Variants in RHPN2 observed in about 807,000 individuals in gnomAD.
RHPN2 encodes rhophilin Rho GTPase binding protein 2.
A neutral mutation model predicts 79.0 loss-of-function variants in RHPN2; 40 were observed. The observed-to-expected ratio is 0.51, with a 90% confidence interval of 0.39 to 0.66. The LOEUF is 0.66. RHPN2 is among the 30% of genes least tolerant of loss of function. The pLI is 0.00. For missense variants in RHPN2, 686 were observed against 883.5 expected, an observed-to-expected ratio of 0.78 and a Z score of 2.83; for synonymous variants, 285 against 363.5, an observed-to-expected ratio of 0.78 and a Z score of 2.46.
intron 3 of RHPN2, among the ~76,000 whole-genome samples, chr19:33,025,950 A>G (rs1412112522): frequency 6.7e-6 from 1 of 148,526 alleles, no homozygotes; most frequent in African/African-American, 2.5e-5. Context: ...CATCACGTAT[A>G]TTTACACTAG....
At chr19:33,061,012 A>C (rs1166810934) in intron 1 of RHPN2, among the ~76,000 whole-genome samples, 1 of 152,044 alleles carries the variant, frequency 6.6e-6, no homozygotes, top group East Asian at 1.9e-4. Context: ...TCTTACACAA[A>C]TCTCACAGGT....
chr19:33,053,479 A>G (rs1972206169), intron 1 of RHPN2, among the ~76,000 whole-genome samples: 1 of 146,416 alleles, frequency 6.8e-6, no homozygotes, highest in African/African-American at 2.6e-5. Flanking sequence ...GCTGGAGTGC[A>G]GTGGTGCGAT....
chr19:33,018,835 C>T (rs1568317500), intron 4 of RHPN2, among the ~76,000 whole-genome samples: 1 of 149,866 alleles, frequency 6.7e-6, no homozygotes, highest in Non-Finnish European at 1.5e-5. Flanking sequence ...GAGTTTGAGA[C>T]CAGCCTGGCC....
In RHPN2 at chr19:33,026,598, G is replaced by A. The variant is rs753804504; in HGVS notation, c.220C>T (p.Arg74Trp). The A allele has an allele frequency of 8.1e-6, 13 of 1,608,726 alleles. No homozygotes were observed. Among genetic ancestry groups the A allele is most frequent in the South Asian group, 2.2e-5 (2 of 91,074 alleles). The change falls in exon 3 of 15, where the codon CGG (arginine) becomes TGG (tryptophan). Residue 74 changes from arginine (R) to tryptophan (W), a missense_variant. Transcript: ENST00000254260. ...GAGTTGACGAAGCTCAGCTCCAGCC[G>A]CACTTGCTCCCGCACCTTTGAGTTT... ...ATNSKVREQV[R>W]LELSFVNSDL...
intron 3 of RHPN2, among the ~76,000 whole-genome samples, chr19:33,022,898 A>G (rs1298989776): frequency 2.0e-5 from 3 of 152,106 alleles, no homozygotes; most frequent in Admixed American, 2.0e-4. Context: ...AGGCTCCTCC[A>G]GGCTACTCAG....
At chr19:33,037,522 C>T (rs1160345422) in intron 2 of RHPN2, among the ~76,000 whole-genome samples, 2 of 152,224 alleles carry the variant, frequency 1.3e-5, no homozygotes, top group Non-Finnish European at 2.9e-5. Flanking sequence ...TTTGGGTCCA[C>T]ACTGCCTTTA....
At chr19:33,055,726 T>C (rs1273517153) in intron 1 of RHPN2, among the ~76,000 whole-genome samples, 1 of 111,848 alleles carries the variant, frequency 8.9e-6, no homozygotes, top group Non-Finnish European at 1.6e-5. Flanking sequence ...GCAAGGAGCT[T>C]CTGGGTTAAA....
intron 6 of RHPN2, among the ~76,000 whole-genome samples, chr19:33,011,140 C>T (rs770616849): frequency 6.6e-6 from 1 of 152,114 alleles, no homozygotes; most frequent in Non-Finnish European, 1.5e-5. Context: ...GAGTGAGTAG[C>T]TCATGCCTAT....
chr19:32,991,790 G>C (rs1279777754), intron 13 of RHPN2, 33 bp downstream of exon 13: 4 of 1,613,736 alleles, frequency 2.5e-6, no homozygotes, highest in Non-Finnish European at 3.4e-6. Flanking sequence ...AGATATCTGT[G>C]TTTGCTGCCA....
Position 33,041,470 on chromosome 19 carries a change from G to C in RHPN2, c.185+2779C>G, listed in dbSNP as rs189555866. 4.9e-4 allele frequency among the ~76,000 whole-genome samples: 75 copies of C among 152,216 alleles called. 1 individual carries two copies. The highest frequency in any genetic ancestry group is 1.7e-3 in the African/African-American group (72 of 41,532). On this transcript the variant is annotated intron_variant, in intron 2 of 14. Coordinates refer to ENST00000254260, the MANE Select transcript of RHPN2 (RefSeq NM_033103.5). ...TCCTCTGACAACATTCTCCAGCAAG[G>C]GGTACTTTGAACCTTTAGGCCACTG... is the stretch of plus-strand genomic sequence containing the variant.
intron 7 of RHPN2, among the ~76,000 whole-genome samples, chr19:33,006,857 C>T (rs965441790): frequency 6.6e-6 from 1 of 152,162 alleles, no homozygotes; most frequent in Non-Finnish European, 1.5e-5. Flanking sequence ...GCCTGGCCAA[C>T]ATGGCAAAAC....
intron 6 of RHPN2, among the ~76,000 whole-genome samples, chr19:33,010,774 C>T (rs1383229052): frequency 1.3e-5 from 2 of 151,224 alleles, no homozygotes; most frequent in African/African-American, 2.4e-5. Flanking sequence ...CTCCGCCTCC[C>T]GGGCTCAAGT....
At chr19:33,023,216 C>A (rs1489359562) in intron 3 of RHPN2, among the ~76,000 whole-genome samples, 1 of 152,034 alleles carries the variant, frequency 6.6e-6, no homozygotes, top group Non-Finnish European at 1.5e-5. Flanking sequence ...GGGTAGATCA[C>A]CTGAGGTCAG....
At chr19:33,045,050 C>T (rs1387602037) in intron 1 of RHPN2, among the ~76,000 whole-genome samples, 2 of 127,304 alleles carry the variant, frequency 1.6e-5, no homozygotes, top group African/African-American at 3.2e-5. Flanking sequence ...TGAGTATCTA[C>T]TTTTTTTTTT....
chr19:33,031,869 G>A (rs1047500869), intron 2 of RHPN2, among the ~76,000 whole-genome samples: 23 of 151,530 alleles, frequency 1.5e-4, no homozygotes, highest in Non-Finnish European at 2.8e-4. Context: ...ACAGGCGCCC[G>A]CCACCACGCC....
intron 11 of RHPN2, among the ~76,000 whole-genome samples, chr19:32,994,922 A>T (rs1286910399): frequency 6.6e-6 from 1 of 152,150 alleles, no homozygotes; most frequent in African/African-American, 2.4e-5. Flanking sequence ...ACTGCACTCC[A>T]GCCTGGGTGA....
chr19:33,033,285 G>A (rs1972027331), intron 2 of RHPN2, among the ~76,000 whole-genome samples: 1 of 152,092 alleles, frequency 6.6e-6, no homozygotes, highest in South Asian at 2.1e-4. Flanking sequence ...AAAAACTAAG[G>A]CTGGGCACAG....
At chr19:33,023,784 CAAAA>C (rs61273503) in intron 3 of RHPN2, among the ~76,000 whole-genome samples, 1 of 110,572 alleles carries the variant, frequency 9.0e-6, no homozygotes. Context: ...GACTCCATCT[CAAAA>C]AAAAAAAAAA....
intron 14 of RHPN2, among the ~76,000 whole-genome samples, chr19:32,989,980 C>T (rs1293177382): frequency 1.3e-5 from 2 of 152,120 alleles, no homozygotes; most frequent in Admixed American, 1.3e-4. Flanking sequence ...TGGCAGGCGC[C>T]TGTAGTCCCA....
Sources: gnomAD v4.1 joint callset for allele counts (sites outside exome capture counted in the v4.1 genomes callset) on GRCh38, gnomAD v4.1.1 for gene constraint, MANE v1.5 for transcripts, NCBI Gene and HGNC (gene_info 2026-07-23, HGNC 2026-07-21) for gene names.